The following MRPS28 variants were observed in gnomAD, a reference collection of about 807,000 sequenced individuals.
The protein encoded by MRPS28 is mitochondrial ribosomal protein S28.
A neutral mutation model predicts 10.8 loss-of-function variants in MRPS28; 7 were observed. The ratio of observed to expected loss-of-function variants is 0.65; its 90% CI spans 0.37 to 1.22. MRPS28 has a LOEUF of 1.22. Among genes scored for constraint, MRPS28 ranks in the 50% most tolerant of loss-of-function variants. The pLI is 0.02. For missense variants in MRPS28, 265 were observed against 232.9 expected (o/e 1.14, Z -0.90); for synonymous variants, 121 against 93.3 (o/e 1.30, Z -1.71).
At chr8:79,930,500 A>T (rs1415550601) in intron 2 of MRPS28, among the ~76,000 whole-genome samples, 1 of 152,252 alleles carries the variant, frequency 6.6e-6, no homozygotes, top group African/African-American at 2.4e-5. Flanking sequence ...CTTGTTTTGC[A>T]AACTGGGGGT....
At chr8:79,943,232 T>G (rs185794733) in intron 2 of MRPS28, among the ~76,000 whole-genome samples, 117 of 152,350 alleles carry the variant, frequency 7.7e-4, no homozygotes, top group African/African-American at 2.4e-3. Context: ...AAATCTTTAG[T>G]ACTGGCAATG....
chr8:79,931,349 T>C (rs929547378), intron 2 of MRPS28, among the ~76,000 whole-genome samples: 1 of 152,242 alleles, frequency 6.6e-6, no homozygotes, highest in African/African-American at 2.4e-5. Context: ...TGGAGCTTTC[T>C]AACTTTCTAA....
Position 80,003,292 on chromosome 8 carries a change from G to A in MRPS28, c.214-112C>T. The A allele has an allele frequency of 2.4e-6, 2 of 841,806 alleles. 1 individual carries two copies. Among genetic ancestry groups the A allele is most frequent in the Non-Finnish European group, 3.4e-6 (2 of 591,766 alleles). The allele number at this position is 841,806 out of a possible 1,614,324, so 52.1% of individuals were successfully genotyped here. A position where few individuals can be genotyped will look rare whatever the true frequency, so the allele number is the denominator to read the frequency against. On this transcript the variant is annotated intron_variant, in intron 1 of 2. Transcript: ENST00000276585. Reference sequence around the variant, plus strand: ...TTGTAGCAATAATTTTAAAATATATGTGGAATTTTGCTTTAAAATGCCAGT... The same window carrying A: ...TTGTAGCAATAATTTTAAAATATATATGGAATTTTGCTTTAAAATGCCAGT...
chr8:79,986,926 T>C (rs926805936), intron 2 of MRPS28, among the ~76,000 whole-genome samples: 1 of 152,188 alleles, frequency 6.6e-6, no homozygotes, highest in Non-Finnish European at 1.5e-5. Flanking sequence ...AAAAAACTAC[T>C]TTCAAGCTCA....
At chr8:79,979,517 T>G (rs1807894309) in intron 2 of MRPS28, among the ~76,000 whole-genome samples, 1 of 152,096 alleles carries the variant, frequency 6.6e-6, no homozygotes, top group South Asian at 2.1e-4. Flanking sequence ...AAAAGAAATT[T>G]TTTTACTTAT....
At chr8:79,966,928 A>G (rs772687262) in intron 2 of MRPS28, among the ~76,000 whole-genome samples, 1 of 152,078 alleles carries the variant, frequency 6.6e-6, no homozygotes, top group Non-Finnish European at 1.5e-5. Context: ...ACATCTTAAA[A>G]TTTTCCATCC....
At chr8:79,919,833 A>T (rs1342242579) in intron 2 of MRPS28, among the ~76,000 whole-genome samples, 1 of 152,184 alleles carries the variant, frequency 6.6e-6, no homozygotes, top group Non-Finnish European at 1.5e-5. Flanking sequence ...GTTTTAGGGT[A>T]CATGTGCACA....
intron 2 of MRPS28, among the ~76,000 whole-genome samples, chr8:79,954,016 A>T (rs1301704880): frequency 6.6e-6 from 1 of 152,180 alleles, no homozygotes; most frequent in Non-Finnish European, 1.5e-5. Flanking sequence ...ATATTTTTTT[A>T]AACACTGACA....
At position 80,024,439 on chromosome 8, in the gene MRPS28, C is replaced by G. The variant is rs556662330; in HGVS notation, c.213+5597G>C. The stretch of plus-strand genomic sequence containing the variant: ...CTTCGGTTCCCTTTAACTAGTAACC[C>G]GAGTGTGTAATAGGATAAGAACTTC... On this transcript the variant is annotated intron_variant, in intron 1 of 2. Coordinates refer to ENST00000276585, the MANE Select transcript of MRPS28 (RefSeq NM_014018.3). Among the ~76,000 whole-genome samples, 20 of 152,164 alleles carry G rather than the reference C, an allele frequency of 1.3e-4. No individual in the cohort carries two copies. In the East Asian group the frequency reaches 3.3e-3, roughly 25 times the overall value.
intron 1 of MRPS28, among the ~76,000 whole-genome samples, chr8:80,026,936 TA>T (rs1809507393): frequency 6.6e-6 from 1 of 152,164 alleles, no homozygotes; most frequent in Admixed American, 6.5e-5. Flanking sequence ...TTTTTTAGAG[TA>T]CTTTTAGGTT....
chr8:79,933,083 C>T (rs1438319992), intron 2 of MRPS28, among the ~76,000 whole-genome samples: 1 of 152,210 alleles, frequency 6.6e-6, no homozygotes, highest in Non-Finnish European at 1.5e-5. Context: ...TTTTCTACAA[C>T]AATGTGTACT....
intron 2 of MRPS28, among the ~76,000 whole-genome samples, chr8:79,991,972 TG>T (rs1433094184): frequency 6.7e-6 from 1 of 149,788 alleles, no homozygotes; most frequent in Non-Finnish European, 1.5e-5. Flanking sequence ...TCACTTACTA[TG>T]GGGGAAGTTG....
chr8:79,985,067 C>T (rs1808112675), intron 2 of MRPS28, among the ~76,000 whole-genome samples: 1 of 152,134 alleles, frequency 6.6e-6, no homozygotes, highest in South Asian at 2.1e-4. Flanking sequence ...GAAATTATAA[C>T]AAACTGTCTC....
At chr8:79,957,741 A>T (rs910891837) in intron 2 of MRPS28, 1 of 152,078 alleles carries the variant, frequency 6.6e-6, no homozygotes, top group African/African-American at 2.4e-5. Flanking sequence ...AACAACAAAC[A>T]AACAAATTAA....
chr8:79,937,961 A>C (rs1230863018), intron 2 of MRPS28, among the ~76,000 whole-genome samples: 1 of 152,200 alleles, frequency 6.6e-6, no homozygotes, highest in African/African-American at 2.4e-5. Flanking sequence ...ATGAGAGTTC[A>C]TGTTGTATTT....
intron 2 of MRPS28, among the ~76,000 whole-genome samples, chr8:79,990,769 C>T (rs1256271224): frequency 6.6e-6 from 1 of 150,658 alleles, no homozygotes; most frequent in East Asian, 2.0e-4. Context: ...GCGGGCAGAT[C>T]ATGAGGTCAG....
chr8:79,935,418 T>C (rs1190253049), intron 2 of MRPS28, among the ~76,000 whole-genome samples: 1 of 152,224 alleles, frequency 6.6e-6, no homozygotes, highest in Non-Finnish European at 1.5e-5. Context: ...GGAAATGGTC[T>C]TTCATTCTCT....
chr8:79,971,373 A>C (rs1807628551), intron 2 of MRPS28, among the ~76,000 whole-genome samples: 1 of 152,168 alleles, frequency 6.6e-6, no homozygotes, highest in Non-Finnish European at 1.5e-5. Flanking sequence ...ACAATTCACT[A>C]ACTTAAATAA....
At chr8:79,943,773 T>C (rs2129941291) in intron 2 of MRPS28, among the ~76,000 whole-genome samples, 1 of 152,196 alleles carries the variant, frequency 6.6e-6, no homozygotes, top group East Asian at 1.9e-4. Context: ...ATAGAGATTA[T>C]AAGCAGAATT....
Sources: allele counts gnomAD v4.1 joint callset (sites outside exome capture counted in the v4.1 genomes callset), GRCh38; gene constraint gnomAD v4.1.1; transcripts MANE v1.5; gene names NCBI Gene and HGNC (gene_info 2026-07-23, HGNC 2026-07-21).